The following COL6A2 variants were observed in gnomAD, a reference collection of about 807,000 sequenced individuals.
COL6A2 encodes the protein collagen type VI alpha 2 chain, also known as collagen alpha-2(VI) chain.
Under a neutral mutation model 124.9 loss-of-function variants are expected in COL6A2, and 90 were observed. That is an observed-to-expected ratio of 0.72 (90% CI 0.61 to 0.86). The LOEUF is 0.86. Among genes scored for constraint, COL6A2 ranks in the 40% least tolerant of loss-of-function variants. COL6A2 has a pLI of 0.00. For synonymous variants in COL6A2, 793 were observed against 618.2 expected (o/e 1.28, Z -4.19); for missense variants, 1,607 against 1,502.5 (o/e 1.07, Z -1.15).
Position 46,116,240 on chromosome 21 carries a change from C to G in COL6A2, c.901-137C>G, listed in dbSNP as rs1464651226. The G allele has an allele frequency of 8.4e-7, 1 of 1,190,484 alleles. No individual in the cohort carries two copies. Among genetic ancestry groups the G allele is most frequent in the Non-Finnish European group, 1.2e-6 (1 of 822,814 alleles). The allele number at this position is 1,190,484 out of a possible 1,614,324, so 73.7% of individuals were successfully genotyped here. On this transcript the variant is annotated intron_variant, in intron 7 of 27. Transcript: ENST00000300527. This position sits in a 1 kb window ranked among gnomAD's most constrained non-coding sequence, Gnocchi z 4.6. ...TCCAGCCCGACCCAGGGCTCAGCCT[C>G]CTCCGCAGACTGTTTGTCGAGAACA...
Position 46,132,186 on chromosome 21 carries a change from C to T in COL6A2, c.2694C>T (p.Leu898=), listed in dbSNP as rs1432005635. The T allele has an allele frequency of 5.7e-6, 9 of 1,573,974 alleles. No individual in the cohort carries two copies. The highest frequency in any genetic ancestry group is 4.3e-6 in the Non-Finnish European group (5 of 1,161,062). The stretch of plus-strand genomic sequence containing the variant: ...TGGCCTTCCCGCTGAGCCACAACCT[C>T]ACGGCCATCCACGAGGCGCTGGAGA... ...QQVAFPLSHN[L]TAIHEALETT... is the part of the protein sequence containing the mutation. The change falls in exon 28 of 28, where the codon CTC becomes CTT. Residue 898 remains leucine (L), a synonymous_variant. Transcript: ENST00000300527.
At chr21:46,123,080 G>C (rs2078592394) in intron 21 of COL6A2, 143 bp downstream of exon 21, 1 of 839,698 alleles carries the variant, frequency 1.2e-6, no homozygotes, top group Non-Finnish European at 2.0e-6. Flanking sequence ...TTCCTAAAGG[G>C]AACGGCTGGC....
At chr21:46,123,521 GTGGATGGGGGTGGGCAAA>G (rs2078600342) in intron 21 of COL6A2, among the ~76,000 whole-genome samples, 1 of 151,360 alleles carries the variant, frequency 6.6e-6, no homozygotes, top group Non-Finnish European at 1.5e-5. Context: ...GGATGGGCAA[GTGGATGGGGGTGGGCAAA>G]TGGATGGATG....
chr21:46,116,281 C>T lies in COL6A2; in HGVS notation c.901-96C>T. The T allele has an allele frequency of 7.0e-7, 1 of 1,423,592 alleles. No homozygotes were observed. 88.2% of individuals were successfully genotyped at this position (1,423,592 alleles called of 1,614,324 possible). A position where few individuals can be genotyped will look rare whatever the true frequency, so the allele number is the denominator to read the frequency against. The stretch of plus-strand genomic sequence containing the variant: ...GTCGAGAACACTAGATGCCAGCGGC[C>T]CACCGAGCACTCCCCTCAGCCTGCA... On this transcript the variant is annotated intron_variant, in intron 7 of 27. Transcript: ENST00000300527. This position sits in a 1 kb window ranked among gnomAD's most constrained non-coding sequence, Gnocchi z 4.6.
At chr21:46,114,379 C>T (rs1439310944) in intron 5 of COL6A2, among the ~76,000 whole-genome samples, 3 of 150,328 alleles carry the variant, frequency 2.0e-5, no homozygotes, top group Non-Finnish European at 3.0e-5. Context: ...GAGCAGAGAT[C>T]ACGCCACTGC....
In COL6A2 at chr21:46,132,449, C is replaced by G; in HGVS notation, c.2957C>G (p.Thr986Ser). The change falls in exon 28 of 28, where the codon ACC (threonine) becomes AGC (serine). Residue 986 changes from threonine to serine, a missense_variant. Coordinates refer to ENST00000300527, the MANE Select transcript of COL6A2 (RefSeq NM_001849.4). The stretch of plus-strand genomic sequence containing the variant: ...AGCGACGTGGACATGGACGTGCTCA[C>G]CACGCTCAGCCTGGGTGACCGCGCC... ...LGSDVDMDVL[T>S]TLSLGDRAAV... 6.2e-7 allele frequency: 1 copy of G among 1,606,270 alleles called. No individual in the cohort carries two copies. The highest frequency in any genetic ancestry group is 1.7e-5 in the Admixed American group (1 of 59,892).
chr21:46,113,931 C>A, intron 4 of COL6A2, 77 bp from the exon 5 acceptor site: 1 of 1,225,842 alleles, frequency 8.2e-7, no homozygotes, highest in African/African-American at 1.5e-5. Flanking sequence ...TCGTGGGCTA[C>A]ACGTTCTGAG....
Position 46,125,909 on chromosome 21 carries a change from G to A in COL6A2, c.2094G>A (p.Ala698=), listed in dbSNP as rs13052956. 779,198 of 1,612,530 alleles carry A rather than the reference G, an allele frequency of 0.48. 193,833 individuals carry two copies. The highest frequency in any genetic ancestry group is 0.63 in the Admixed American group (37,599 of 59,976). ...KEAVKNLEWI[A]GGTWTPSALK... is the part of the protein sequence containing the mutation. ...CTGTCAAGAACCTCGAGTGGATTGC[G>A]GGCGGCACCTGGACACCCTCAGCCC... Residue 698 remains alanine, a synonymous_variant, in exon 26 of 28, where the codon GCG becomes GCA. Coordinates refer to ENST00000300527, the MANE Select transcript of COL6A2 (RefSeq NM_001849.4).
Position 46,132,300 on chromosome 21 carries a change from C to T in COL6A2, c.2808C>T (p.Ala936=), listed in dbSNP as rs2078771788. 1 of 1,606,158 alleles carries T rather than the reference C, an allele frequency of 6.2e-7. No homozygotes were observed. Residue 936 remains alanine, a synonymous_variant, in exon 28 of 28, where the codon GCC becomes GCT. Transcript: ENST00000300527. ...NAIVRSPRGG[A]RRHAELSFVF... ...TCGTGCGCAGCCCGCGTGGCGGGGC[C>T]CGGAGGCACGCAGAGCTGTCCTTCG...
At chr21:46,122,572 G>C in intron 20 of COL6A2, 41 bp downstream of exon 20, 1 of 1,606,790 alleles carries the variant, frequency 6.2e-7, no homozygotes, top group Non-Finnish European at 8.5e-7. Context: ...CCCAGGGTGG[G>C]GGTCTGCACG....
intron 26 of COL6A2, 58 bp from the exon 27 acceptor site, chr21:46,126,445 G>A (rs534811700): frequency 3.2e-5 from 52 of 1,606,020 alleles, no homozygotes; most frequent in African/African-American, 1.3e-4. Context: ...GTGAACGGCC[G>A]CTGAGGGTTC....
chr21:46,131,320 G>A (rs1053336838), intron 27 of COL6A2, among the ~76,000 whole-genome samples: 1 of 152,232 alleles, frequency 6.6e-6, no homozygotes, highest in African/African-American at 2.4e-5. Context: ...GCCCAGGGCT[G>A]GTGACCACCC....
At chr21:46,131,870 T>C (rs2078764364) in intron 27 of COL6A2, 84 bp from the exon 28 acceptor site, 4 of 1,325,638 alleles carry the variant, frequency 3.0e-6, no homozygotes, top group Non-Finnish European at 3.1e-6. Context: ...AGGGTGCGAA[T>C]GGAAGGGCAC....
rs181658048 is a variant in COL6A2, at chr21:46,129,683, G to C, written c.2462-2271G>C. 31 of 1,417,096 alleles carry C rather than the reference G, an allele frequency of 2.2e-5. No homozygotes were observed. In the African/African-American group the frequency reaches 4.5e-4, roughly 20 times the overall value. The allele number at this position is 1,417,096 out of a possible 1,614,324, so 87.8% of individuals were successfully genotyped here. On this transcript the variant is annotated intron_variant, in intron 27 of 27. Transcript: ENST00000300527. ...TGGTGGCCACCGTGTCCCTTGCTGC[G>C]GCTGCATCTTCCAGTCTCTCCTCCG...
In COL6A2 at chr21:46,114,026, C is replaced by T; in HGVS notation, c.754C>T (p.Leu252=). 1 of 1,613,860 alleles carries T rather than the reference C, an allele frequency of 6.2e-7. No individual in the cohort carries two copies. Among genetic ancestry groups the T allele is most frequent in the Non-Finnish European group, 8.5e-7 (1 of 1,179,982 alleles). Residue 252 remains leucine (L), a synonymous_variant, in exon 5 of 28, where the codon CTG becomes TTG. Coordinates refer to ENST00000300527, the MANE Select transcript of COL6A2 (RefSeq NM_001849.4). ...AYGECYKVSC[L]EIPGPSGPKG... ...GTTTCAGTGCTACAAGGTGAGCTGC[C>T]TGGAAATCCCTGGGCCCTCTGGCCC...
chr21:46,127,336 C>T (rs1332329552), intron 27 of COL6A2, among the ~76,000 whole-genome samples: 1 of 152,122 alleles, frequency 6.6e-6, no homozygotes, highest in Non-Finnish European at 1.5e-5. Flanking sequence ...GGTGTGCGTT[C>T]GGGCGTTCCA....
intron 20 of COL6A2, 124 bp downstream of exon 20, chr21:46,122,655 C>T: frequency 1.7e-6 from 2 of 1,167,940 alleles, no homozygotes; most frequent in Non-Finnish European, 2.5e-6. Flanking sequence ...CCTGGCTCCC[C>T]AAGGCCCAGC....
chr21:46,113,827 G>A (rs1168978450), intron 4 of COL6A2, 181 bp from the exon 5 acceptor site: 2 of 680,754 alleles, frequency 2.9e-6, no homozygotes, highest in South Asian at 3.1e-5. Context: ...TCCCTGATGG[G>A]GGCAGAGCCT....
chr21:46,117,362 C>G, intron 10 of COL6A2, 38 bp from the exon 11 acceptor site: 1 of 1,603,840 alleles, frequency 6.2e-7, no homozygotes, highest in South Asian at 1.1e-5. Context: ...GACCCCAGAA[C>G]CCCGCCCTGA....
Sources: allele counts gnomAD v4.1 joint callset (sites outside exome capture counted in the v4.1 genomes callset), GRCh38; gene constraint gnomAD v4.1.1; non-coding constraint Gnocchi (gnomAD v3.1); transcripts MANE v1.5; gene names NCBI Gene and HGNC (gene_info 2026-07-23, HGNC 2026-07-21).